The following DNAJC22 variants were observed in gnomAD, a reference collection of about 807,000 sequenced individuals.
DNAJC22 encodes dnaJ homolog subfamily C member 22.
A neutral mutation model predicts 22.2 loss-of-function variants in DNAJC22; 24 were observed. The ratio of observed to expected loss-of-function variants is 1.08; its 90% CI spans 0.78 to 1.52. DNAJC22 has a LOEUF of 1.52. Among genes scored for constraint, DNAJC22 ranks in the 40% most tolerant of loss-of-function variants. The pLI is 0.00. For synonymous variants in DNAJC22, 160 were observed against 167.4 expected (o/e 0.96, Z 0.34); for missense variants, 434 against 421.7 (o/e 1.03, Z -0.26).
At chr12:49,351,126 T>C in intron 3 of DNAJC22, 191 bp from the exon 4 acceptor site, 1 of 978,414 alleles carries the variant, frequency 1.0e-6, no homozygotes, top group Non-Finnish European at 1.2e-6. Context: ...TTCTTTTTTC[T>C]AAAATAATTT....
At chr12:49,350,494 CT>C (rs57468642) in intron 3 of DNAJC22, among the ~76,000 whole-genome samples, 6,294 of 108,460 alleles carry the variant, frequency 0.058, 155 homozygotes, top group African/African-American at 0.17. Flanking sequence ...CCTCTTGATT[CT>C]TTTTTTTTTT....
In DNAJC22 at chr12:49,349,341, G is replaced by T. The variant is rs755703056; in HGVS notation, c.469G>T (p.Val157Leu). The T allele has an allele frequency of 3.1e-6, 5 of 1,609,308 alleles. No individual in the cohort carries two copies. Among genetic ancestry groups the T allele is most frequent in the Non-Finnish European group, 4.2e-6 (5 of 1,177,694 alleles). ...GRPIAILPIS[V>L]AASITAQRHR... ...CCCCATAGCCATACTGCCCATTAGCGTGGCCGCCAGCATTACAGCTCAGAG... is the reference window on the plus strand; with the variant it reads ...CCCCATAGCCATACTGCCCATTAGCTTGGCCGCCAGCATTACAGCTCAGAG... Residue 157 changes from valine to leucine, a missense_variant, in exon 3 of 4, where the codon GTG becomes TTG. Transcript: ENST00000549441.
At position 49,352,891 on chromosome 12, in the gene DNAJC22, A is replaced by G; in HGVS notation, c.*1389A>G. The G allele has an allele frequency of 1.3e-5, 2 of 152,122 alleles. 1 individual carries two copies. Among genetic ancestry groups the G allele is most frequent in the Admixed American group, 1.3e-4 (2 of 15,268 alleles). 9.4% of individuals were successfully genotyped at this position (152,122 alleles called of 1,614,324 possible). ...AGGTCTTCCCAGTATTTGAGGTCTG[A>G]TTCTGGGCTACATACCCTACTCCTA... On this transcript the variant is annotated 3_prime_UTR_variant, in exon 4 of 4. Coordinates refer to ENST00000549441, the MANE Select transcript of DNAJC22 (RefSeq NM_001304944.2).
rs1245874331 is a variant in DNAJC22 at position 49,352,446 on chromosome 12, G to A, written c.*944G>A. On this transcript the variant is annotated 3_prime_UTR_variant, in exon 4 of 4. Transcript: ENST00000549441. ...CAGGAAAATCACTTGAGCCTGGGAG[G>A]TGGAGGTTGCAGTCAACTGAGATTG... 1 of 152,216 alleles carries A rather than the reference G, an allele frequency of 6.6e-6. No homozygotes were observed. Among genetic ancestry groups the A allele is most frequent in the Admixed American group, 6.5e-5 (1 of 15,276 alleles). The allele number at this position is 152,216 out of a possible 1,614,324, so 9.4% of individuals were successfully genotyped here. A position where few individuals can be genotyped will look rare whatever the true frequency, so the allele number is the denominator to read the frequency against.
At chr12:49,348,392 A>G (rs952490264) in intron 2 of DNAJC22, among the ~76,000 whole-genome samples, 2 of 152,122 alleles carry the variant, frequency 1.3e-5, no homozygotes, top group Non-Finnish European at 2.9e-5. Flanking sequence ...AAGGCAGGAG[A>G]GTGGCTAAAG....
At position 49,351,353 on chromosome 12, in the gene DNAJC22, A is replaced by G; in HGVS notation, c.877A>G (p.Ile293Val). ...GLSEGATNEEIHRSYQELVKV... is the reference protein window; with the variant it reads ...GLSEGATNEEVHRSYQELVKV... ...CTCAGAAGGGGCAACAAATGAAGAA[A>G]TACATCGGAGTTACCAGGAGCTAGT... Residue 293 changes from isoleucine to valine, a missense_variant, in exon 4 of 4, where the codon ATA becomes GTA. Transcript: ENST00000549441. 3 of 1,613,810 alleles carry G rather than the reference A, an allele frequency of 1.9e-6. No homozygotes were observed. Among genetic ancestry groups the G allele is most frequent in the Non-Finnish European group, 2.5e-6 (3 of 1,179,818 alleles).
rs770113965 is a variant in DNAJC22 at position 49,349,413 on chromosome 12, C to A, written c.541C>A (p.Arg181=). The change falls in exon 3 of 4, where the codon CGG becomes AGG. Residue 181 remains arginine (R), a synonymous_variant. Transcript: ENST00000549441. ...ALVASEPLSV[R]LYRLGLAYLA... is the part of the protein sequence containing the mutation. ...GGTGGCATCAGAGCCGCTCAGTGTG[C>A]GGCTCTATCGTCTGGGCTTGGCTTA... 7 of 1,611,682 alleles carry A rather than the reference C, an allele frequency of 4.3e-6. No individual in the cohort carries two copies. The South Asian group carries it at 7.7e-5, about 18-fold the overall frequency.
Position 49,348,632 on chromosome 12 carries a change from T to C in DNAJC22, c.-107-134T>C, listed in dbSNP as rs144572176. 29 of 409,788 alleles carry C rather than the reference T, an allele frequency of 7.1e-5. No individual in the cohort carries two copies. In the East Asian group the frequency reaches 8.2e-4, roughly 12 times the overall value. 25.4% of individuals were successfully genotyped at this position (409,788 alleles called of 1,614,324 possible). A position where few individuals can be genotyped will look rare whatever the true frequency, so the allele number is the denominator to read the frequency against. Reference sequence around the variant, plus strand: ...GTTGTAAAGAATGGGACTGAGGTGCTAGGACAAGGGATATGAGATAAATAG... The same window carrying C: ...GTTGTAAAGAATGGGACTGAGGTGCCAGGACAAGGGATATGAGATAAATAG... On this transcript the variant is annotated intron_variant, in intron 2 of 3. Transcript: ENST00000549441.
Position 49,347,838 on chromosome 12 carries a change from A to C in DNAJC22, c.-375A>C, listed in dbSNP as rs1056990286. 4 of 152,232 alleles carry C rather than the reference A, an allele frequency of 2.6e-5. No homozygotes were observed. The highest frequency in any genetic ancestry group is 2.6e-4 in the Admixed American group (4 of 15,286). The allele number at this position is 152,232 out of a possible 1,614,324, so 9.4% of individuals were successfully genotyped here. A position where few individuals can be genotyped will look rare whatever the true frequency, so the allele number is the denominator to read the frequency against. ...TGGGCCCGGGCTGGGCACTGAGCCC[A>C]CCGGAGCTGCAGGCGTCTGCAGAGC... On this transcript the variant is annotated 5_prime_UTR_variant, in exon 2 of 4. Transcript: ENST00000549441.
intron 3 of DNAJC22, among the ~76,000 whole-genome samples, chr12:49,350,450 T>C (rs1289143813): frequency 6.6e-6 from 1 of 151,508 alleles, no homozygotes; most frequent in East Asian, 1.9e-4. Context: ...GCATCTTTCA[T>C]CTTTCATTCA....
rs1380742683 is a variant in DNAJC22 at position 49,349,436 on chromosome 12, T to G, written c.564T>G (p.Ala188=). 6.2e-7 allele frequency: 1 copy of G among 1,613,936 alleles called. No homozygotes were observed. Residue 188 remains alanine, a synonymous_variant, in exon 3 of 4, where the codon GCT becomes GCG. Transcript: ENST00000549441. ...LSVRLYRLGL[A]YLAFTGPLAY... is the part of the protein sequence containing the mutation. ...TGCGGCTCTATCGTCTGGGCTTGGC[T>G]TACCTTGCTTTCACAGGCCCACTGG... is the stretch of plus-strand genomic sequence containing the variant.
Position 49,349,371 on chromosome 12 carries a change from C to T in DNAJC22, c.499C>T (p.Arg167Cys), listed in dbSNP as rs369883314. ...VAASITAQRH[R>C]RYKALVASEP... ...CGCCAGCATTACAGCTCAGAGGCAT[C>T]GCCGCTACAAAGCTTTGGTGGCATC... The change falls in exon 3 of 4, where the codon CGC becomes TGC. Residue 167 changes from arginine to cysteine, a missense_variant. Physicochemically the swap from Arg to Cys is radical, Grantham distance 180. Coordinates refer to ENST00000549441, the MANE Select transcript of DNAJC22 (RefSeq NM_001304944.2). 151 of 1,604,948 alleles carry T rather than the reference C, an allele frequency of 9.4e-5. 1 individual carries two copies. Among genetic ancestry groups the T allele is most frequent in the East Asian group, 3.3e-4 (15 of 44,818 alleles).
chr12:49,352,527 T>C lies in DNAJC22; in HGVS notation c.*1025T>C, dbSNP rs913281877. On this transcript the variant is annotated 3_prime_UTR_variant, in exon 4 of 4. Coordinates refer to ENST00000549441, the MANE Select transcript of DNAJC22 (RefSeq NM_001304944.2). Reference sequence around the variant, plus strand: ...CAGAGCTAGATTCTGTCTCAAAAATTAAATAAATAAATAAGTAAGTAAATA... The same window carrying C: ...CAGAGCTAGATTCTGTCTCAAAAATCAAATAAATAAATAAGTAAGTAAATA... 6.7e-6 allele frequency: 1 copy of C among 149,494 alleles called. No individual in the cohort carries two copies. The highest frequency in any genetic ancestry group is 2.6e-5 in the African/African-American group (1 of 39,056). The allele number at this position is 149,494 out of a possible 1,614,324, so 9.3% of individuals were successfully genotyped here.
rs756512405 is a variant in DNAJC22 at position 49,351,337 on chromosome 12, G to A, written c.861G>A (p.Gly287=). The change falls in exon 4 of 4, where the codon GGG becomes GGA. Residue 287 remains glycine, a synonymous_variant. Transcript: ENST00000549441. ...LAYQVLGLSE[G]ATNEEIHRSY... is the part of the protein sequence containing the mutation. ...ATAAGGTTTTGGGCCTCTCAGAAGG[G>A]GCAACAAATGAAGAAATACATCGGA... 19 of 1,613,442 alleles carry A rather than the reference G, an allele frequency of 1.2e-5. No individual in the cohort carries two copies. Among genetic ancestry groups the A allele is most frequent in the African/African-American group, 2.7e-5 (2 of 74,838 alleles).
In DNAJC22 at chr12:49,351,552, T is replaced by C; in HGVS notation, c.*50T>C. The C allele has an allele frequency of 6.7e-7, 1 of 1,483,620 alleles. No individual in the cohort carries two copies. The highest frequency in any genetic ancestry group is 8.9e-7 in the Non-Finnish European group (1 of 1,120,946). 91.9% of individuals were successfully genotyped at this position (1,483,620 alleles called of 1,614,324 possible). A position where few individuals can be genotyped will look rare whatever the true frequency, so the allele number is the denominator to read the frequency against. ...ACTCTTCCTAGCAGAGCTGGGCAAC[T>C]TGTCCCAAATCTAGCTTTGCCCACG... On this transcript the variant is annotated 3_prime_UTR_variant, in exon 4 of 4. Transcript: ENST00000549441.
chr12:49,352,157 C>A lies in DNAJC22; in HGVS notation c.*655C>A, dbSNP rs1338009925. On this transcript the variant is annotated 3_prime_UTR_variant, in exon 4 of 4. Coordinates refer to ENST00000549441, the MANE Select transcript of DNAJC22 (RefSeq NM_001304944.2). Reference sequence around the variant, plus strand: ...AATATATCTTTTAGAGAACACACCACCTTATCCCACCCATGATATATTGAT... The same window carrying A: ...AATATATCTTTTAGAGAACACACCAACTTATCCCACCCATGATATATTGAT... The A allele has an allele frequency of 6.6e-6, 1 of 152,170 alleles. No homozygotes were observed. The highest frequency in any genetic ancestry group is 1.5e-5 in the Non-Finnish European group (1 of 68,034). 9.4% of individuals were successfully genotyped at this position (152,170 alleles called of 1,614,324 possible). A position where few individuals can be genotyped will look rare whatever the true frequency, so the allele number is the denominator to read the frequency against.
Position 49,348,765 on chromosome 12 carries a change from G to T in DNAJC22, c.-107-1G>T. The T allele has an allele frequency of 7.3e-7, 1 of 1,372,622 alleles. No individual in the cohort carries two copies. The highest frequency in any genetic ancestry group is 9.5e-7 in the Non-Finnish European group (1 of 1,055,152). 85.0% of individuals were successfully genotyped at this position (1,372,622 alleles called of 1,614,324 possible). ...TGACTCTACTTTTTCCCATCTCTTA[G>T]GGTCTAAGGATAACTCTGGGGCCAT... On this transcript the variant is annotated splice_acceptor_variant, in intron 2 of 3. Transcript: ENST00000549441. LOFTEE classifies it low-confidence loss of function (5UTR_SPLICE).
At chr12:49,351,104 A>G (rs1943778114) in intron 3 of DNAJC22, 1 of 960,144 alleles carries the variant, frequency 1.0e-6, no homozygotes. Flanking sequence ...TCTATGTTTC[A>G]AAAGGCTGGA....
At position 49,351,472 on chromosome 12, in the gene DNAJC22, A is replaced by G. The variant is rs1943784422; in HGVS notation, c.996A>G (p.Gln332=). The G allele has an allele frequency of 1.3e-6, 2 of 1,571,666 alleles. No individual in the cohort carries two copies. The highest frequency in any genetic ancestry group is 1.7e-6 in the Non-Finnish European group (2 of 1,163,922). The change falls in exon 4 of 4, where the codon CAA becomes CAG. Residue 332 remains glutamine (Q), a synonymous_variant. Coordinates refer to ENST00000549441, the MANE Select transcript of DNAJC22 (RefSeq NM_001304944.2). Reference sequence around the variant, plus strand: ...AGGCTGCGTATGAAGTCCTGAGTCAACCCAGGAAGCCCTGGGGATCCCGGA... The same window carrying G: ...AGGCTGCGTATGAAGTCCTGAGTCAGCCCAGGAAGCCCTGGGGATCCCGGA... ...EIQAAYEVLS[Q]PRKPWGSRR is the part of the protein sequence containing the mutation.
Sources: gnomAD v4.1 joint callset for allele counts (sites outside exome capture counted in the v4.1 genomes callset) on GRCh38, gnomAD v4.1.1 for gene constraint, MANE v1.5 for transcripts, NCBI Gene and HGNC (gene_info 2026-07-23, HGNC 2026-07-21) for gene names.